Variants in MSS51 observed in about 807,000 individuals in gnomAD.
MSS51 encodes putative protein MSS51 homolog, mitochondrial.
Under a neutral mutation model 40.2 loss-of-function variants are expected in MSS51, and 32 were observed. The ratio of observed to expected loss-of-function variants is 0.80; its 90% CI spans 0.60 to 1.07. The LOEUF (loss-of-function observed/expected upper bound fraction) is 1.07, where lower values mean the gene tolerates loss of function less well. Among genes scored for constraint, MSS51 ranks in the 50% least tolerant of loss-of-function variants. MSS51 has a pLI of 0.00. For missense variants in MSS51, 518 were observed against 568.9 expected (o/e 0.91, Z 0.91); for synonymous variants, 178 against 214.2 (o/e 0.83, Z 1.48).
chr10:73,429,035 T>A (rs908308647), intron 1 of MSS51, among the ~76,000 whole-genome samples: 7 of 151,618 alleles, frequency 4.6e-5, no homozygotes, highest in African/African-American at 1.7e-4. Flanking sequence ...TGAAACCCCA[T>A]CTGTACTAAA....
At chr10:73,427,811 A>C (rs780858671) in intron 2 of MSS51, 43 bp from the exon 3 acceptor site, 3 of 1,599,634 alleles carry the variant, frequency 1.9e-6, no homozygotes, top group Admixed American at 3.4e-5. Flanking sequence ...GGGGAAAGGA[A>C]TATCTCCAAA....
In MSS51 at chr10:73,427,709, A is replaced by G; in HGVS notation, c.281T>C (p.Met94Thr). 1 of 1,614,208 alleles carries G rather than the reference A, an allele frequency of 6.2e-7. No individual in the cohort carries two copies. Among genetic ancestry groups the G allele is most frequent in the South Asian group, 1.1e-5 (1 of 91,084 alleles). ...AAATGTGTCTTCCATCCTCTGGAAC[A>G]TTTCTTGAGGACATCGAAATCCAAA... ...SGFGFRCPQE[M>T]FQRMEDTFRF... The change falls in exon 3 of 7, where the codon ATG becomes ACG. Residue 94 changes from methionine to threonine, a missense_variant. Coordinates refer to ENST00000299432, the MANE Select transcript of MSS51 (RefSeq NM_001024593.2).
At chr10:73,431,813 G>C (rs1289628999) in intron 1 of MSS51, among the ~76,000 whole-genome samples, 1 of 152,078 alleles carries the variant, frequency 6.6e-6, no homozygotes, top group African/African-American at 2.4e-5. Flanking sequence ...TGAAGAAATT[G>C]GACCTAATGA....
chr10:73,427,516 G>T, intron 3 of MSS51, 97 bp downstream of exon 3: 2 of 1,330,670 alleles, frequency 1.5e-6, no homozygotes, highest in South Asian at 1.5e-5. Context: ...CACCTGCCTC[G>T]GCCTCCCAAG....
rs1234708586 is a variant in MSS51, at chr10:73,427,895, ACTT to A, written c.222-130_222-128del. On this transcript the variant is annotated intron_variant, in intron 2 of 6. Transcript: ENST00000299432. ...ATGTCTCCCACTGCCATCATTTTTC[ACTT>A]AAGTGAATGTTTCTTCTTTTATAGT... 6 of 1,259,788 alleles carry A rather than the reference ACTT, an allele frequency of 4.8e-6. No homozygotes were observed. The African/African-American group carries it at 9.0e-5, about 19-fold the overall frequency. 78.0% of individuals were successfully genotyped at this position (1,259,788 alleles called of 1,614,324 possible). A position where few individuals can be genotyped will look rare whatever the true frequency, so the allele number is the denominator to read the frequency against.
chr10:73,429,078 T>C (rs1170731735), intron 1 of MSS51, among the ~76,000 whole-genome samples: 1 of 151,752 alleles, frequency 6.6e-6, no homozygotes, highest in Non-Finnish European at 1.5e-5. Flanking sequence ...TGGTGGTGGG[T>C]GCCTATAATC....
chr10:73,424,399 T>C lies in MSS51; in HGVS notation c.*154A>G, dbSNP rs529865333. ...CTCAAAAAAAGAAAGAAACCAGTTA[T>C]GTTATACAGAAACTCTCATTCAGCT... On this transcript the variant is annotated 3_prime_UTR_variant, in exon 7 of 7. Coordinates refer to ENST00000299432, the MANE Select transcript of MSS51 (RefSeq NM_001024593.2). 3 of 643,278 alleles carry C rather than the reference T, an allele frequency of 4.7e-6. No homozygotes were observed. The highest frequency in any genetic ancestry group is 3.8e-5 in the South Asian group (2 of 51,984). 39.8% of individuals were successfully genotyped at this position (643,278 alleles called of 1,614,324 possible).
chr10:73,428,305 G>A lies in MSS51; in HGVS notation c.-17-4C>T, dbSNP rs752269337. The A allele has an allele frequency of 2.8e-5, 45 of 1,582,790 alleles. No homozygotes were observed. The highest frequency in any genetic ancestry group is 1.7e-6 in the Non-Finnish European group (2 of 1,162,292). On this transcript the variant is annotated splice_region_variant and splice_polypyrimidine_tract_variant and intron_variant, in intron 1 of 6. Coordinates refer to ENST00000299432, the MANE Select transcript of MSS51 (RefSeq NM_001024593.2). ...GCCATGGCCTGTCCAGTGATACCTG[G>A]AGATTATATGCAGAATAGACATGGA...
At position 73,426,050 on chromosome 10, in the gene MSS51, A is replaced by G; in HGVS notation, c.830T>C (p.Leu277Pro). 6.2e-7 allele frequency: 1 copy of G among 1,614,228 alleles called. No individual in the cohort carries two copies. The highest frequency in any genetic ancestry group is 1.1e-5 in the South Asian group (1 of 91,082). The change falls in exon 5 of 7, where the codon CTT becomes CCT. Residue 277 changes from leucine to proline, a missense_variant. Physicochemically the swap from Leu to Pro is moderately conservative, Grantham distance 98 (BLOSUM62 -3). Transcript: ENST00000299432. ...CTCATCATAGTCCCCTGGGCGAGTA[A>G]GAAATGTCTCCACATGGGAAGCACC... The part of the protein sequence containing the change: ...VVGASHVETF[L>P]TRPGDYDELG...
intron 1 of MSS51, 108 bp from the exon 2 acceptor site, chr10:73,428,409 C>A: frequency 1.2e-6 from 1 of 817,432 alleles, no homozygotes; most frequent in Non-Finnish European, 1.9e-6. Flanking sequence ...TCTCTCAGAC[C>A]CAGGTTATCA....
Position 73,425,839 on chromosome 10 carries a change from A to G in MSS51, c.1041T>C (p.His347=). ...EEQVETGQTH[H]PDLVAAFHPG... is the part of the protein sequence containing the mutation. Reference sequence around the variant, plus strand: ...GATGGAATGCCGCCACCAAATCTGGATGGTGTGTCTGCCCGGTCTCTACTT... The same window carrying G: ...GATGGAATGCCGCCACCAAATCTGGGTGGTGTGTCTGCCCGGTCTCTACTT... The change falls in exon 5 of 7, where the codon CAT becomes CAC. Residue 347 remains histidine, a synonymous_variant. Transcript: ENST00000299432. 6.2e-7 allele frequency: 1 copy of G among 1,613,816 alleles called. No homozygotes were observed. The highest frequency in any genetic ancestry group is 8.5e-7 in the Non-Finnish European group (1 of 1,179,868).
intron 1 of MSS51, among the ~76,000 whole-genome samples, chr10:73,433,104 T>C (rs888842549): frequency 6.6e-6 from 1 of 152,164 alleles, no homozygotes; most frequent in Non-Finnish European, 1.5e-5. Flanking sequence ...AGACATGATC[T>C]TGATTGCCTA....
intron 3 of MSS51, 43 bp downstream of exon 3, chr10:73,427,570 G>C (rs1589674821): frequency 3.8e-6 from 6 of 1,566,464 alleles, no homozygotes; most frequent in Non-Finnish European, 5.2e-6. Context: ...GGCTAATACA[G>C]GATCATTTCT....
intron 1 of MSS51, among the ~76,000 whole-genome samples, chr10:73,430,647 T>G (rs1027966724): frequency 2.0e-5 from 3 of 151,216 alleles, no homozygotes; most frequent in Admixed American, 6.6e-5. Flanking sequence ...ATGGAGTAAT[T>G]TGAACCCTCG....
rs187550162 is a variant in MSS51 at position 73,425,270 on chromosome 10, C to A, written c.1070-79G>T. ...AGCAAGATATTTCTTTGACTGTGAG[C>A]ACCCCACCCCTCACCTTGCTTATCC... On this transcript the variant is annotated intron_variant, in intron 5 of 6. Coordinates refer to ENST00000299432, the MANE Select transcript of MSS51 (RefSeq NM_001024593.2). 337 of 828,356 alleles carry A rather than the reference C, an allele frequency of 4.1e-4. No individual in the cohort carries two copies. The African/African-American group carries it at 5.2e-3, about 13-fold the overall frequency. 51.3% of individuals were successfully genotyped at this position (828,356 alleles called of 1,614,324 possible). A position where few individuals can be genotyped will look rare whatever the true frequency, so the allele number is the denominator to read the frequency against.
rs1450965095 is a variant in MSS51, at chr10:73,424,719, ATGTG to A, written c.1213_1216del (p.His405SerfsTer47). 1.9e-6 allele frequency: 3 copies of A among 1,614,184 alleles called. No individual in the cohort carries two copies. Among genetic ancestry groups the A allele is most frequent in the Admixed American group, 3.3e-5 (2 of 60,028 alleles). Reference sequence around the variant, plus strand: ...GAAAGGATTAGACCCAAAGGCAGTGATGTGTGTATCCAGTTCCACCAGAATCTGC... The same window carrying A: ...GAAAGGATTAGACCCAAAGGCAGTGATGTATCCAGTTCCACCAGAATCTGC... On this transcript the variant is annotated frameshift_variant, in exon 7 of 7. Transcript: ENST00000299432. LOFTEE classifies it high-confidence loss of function.
rs1292540831 is a variant in MSS51, at chr10:73,423,788, C to T, written c.*765G>A. 1.3e-5 allele frequency: 2 copies of T among 152,442 alleles called. No homozygotes were observed. Among genetic ancestry groups the T allele is most frequent in the African/African-American group, 2.4e-5 (1 of 41,570 alleles). 9.4% of individuals were successfully genotyped at this position (152,442 alleles called of 1,614,324 possible). ...CAGGACACTGTACCAATGCTTACAACCTCATCCATGTTCCCAATGACTTCC... is the reference window on the plus strand; with the variant it reads ...CAGGACACTGTACCAATGCTTACAATCTCATCCATGTTCCCAATGACTTCC... On this transcript the variant is annotated 3_prime_UTR_variant, in exon 7 of 7. Transcript: ENST00000299432.
In MSS51 at chr10:73,425,910, G is replaced by T; in HGVS notation, c.970C>A (p.Gln324Lys). The T allele has an allele frequency of 6.2e-7, 1 of 1,614,150 alleles. No homozygotes were observed. The change falls in exon 5 of 7, where the codon CAG becomes AAG. Residue 324 changes from glutamine to lysine, a missense_variant. Transcript: ENST00000299432. ...TAGAGGCCCCTGTGGGCACTAAGCT[G>T]AATTGTGCCAGGTTCCAGGGGTGAA... is the stretch of plus-strand genomic sequence containing the variant. ...STSPLEPGTI[Q>K]LSAHRGLYHD...
In MSS51 at chr10:73,423,953, C is replaced by T. The variant is rs898361719; in HGVS notation, c.*600G>A. 6.6e-6 allele frequency: 1 copy of T among 152,332 alleles called. No homozygotes were observed. Among genetic ancestry groups the T allele is most frequent in the African/African-American group, 2.4e-5 (1 of 41,438 alleles). 9.4% of individuals were successfully genotyped at this position (152,332 alleles called of 1,614,324 possible). ...TTTCTCAGTGCCATCTGGTTCCAGTCAAAAGGTAAACTTCTTTACAAAGAA... is the reference window on the plus strand; with the variant it reads ...TTTCTCAGTGCCATCTGGTTCCAGTTAAAAGGTAAACTTCTTTACAAAGAA... On this transcript the variant is annotated 3_prime_UTR_variant, in exon 7 of 7. Transcript: ENST00000299432.
Sources: gnomAD v4.1 joint callset for allele counts (sites outside exome capture counted in the v4.1 genomes callset) on GRCh38, gnomAD v4.1.1 for gene constraint, MANE v1.5 for transcripts, NCBI Gene and HGNC (gene_info 2026-07-23, HGNC 2026-07-21) for gene names.